The following KHDRBS2 variants were observed in gnomAD, a reference collection of about 807,000 sequenced individuals.
KHDRBS2 encodes the protein KH RNA binding domain containing, signal transduction associated 2.
In KHDRBS2, 26 loss-of-function variants were observed where a neutral mutation model predicts 44.3. The observed-to-expected ratio is 0.59, with a 90% confidence interval of 0.43 to 0.81. The LOEUF is 0.81. Ranked by LOEUF, KHDRBS2 falls within the 40% of genes least tolerant of loss-of-function variation. The pLI is 0.00. For missense variants in KHDRBS2, 476 were observed against 433.1 expected (o/e 1.10, Z -0.88); for synonymous variants, 194 against 151.1 (o/e 1.28, Z -2.08).
chr6:61,936,045 A>T (rs930043769), intron 4 of KHDRBS2, among the ~76,000 whole-genome samples: 2 of 152,062 alleles, frequency 1.3e-5, no homozygotes, highest in Admixed American at 1.3e-4. Flanking sequence ...TCATCTGTCT[A>T]TGTACTCAGA....
chr6:62,118,862 C>G (rs9445954), intron 2 of KHDRBS2, among the ~76,000 whole-genome samples: 1 of 151,970 alleles, frequency 6.6e-6, no homozygotes, highest in African/African-American at 2.4e-5. Flanking sequence ...AGACTGAAGG[C>G]TGAACTGTCA....
intron 6 of KHDRBS2, among the ~76,000 whole-genome samples, chr6:61,864,574 G>T (rs191953931): frequency 6.4e-4 from 97 of 152,236 alleles, no homozygotes; most frequent in African/African-American, 2.3e-3. Context: ...TTTTCTTCAA[G>T]AATTTTGAAT....
intron 6 of KHDRBS2, among the ~76,000 whole-genome samples, chr6:61,855,950 ACTTG>A: frequency 6.6e-6 from 1 of 152,170 alleles, no homozygotes. Context: ...TTAATAAACT[ACTTG>A]CACTCAAATC....
At chr6:61,671,466 T>A in the KHDRBS2 span, among the ~76,000 whole-genome samples, 1 of 151,712 alleles carries the variant, frequency 6.6e-6, no homozygotes, top group Non-Finnish European at 1.5e-5. Flanking sequence ...TCAATTCCTC[T>A]CATAATAAAG....
At chr6:62,268,879 T>C (rs1231314478) in intron 1 of KHDRBS2, among the ~76,000 whole-genome samples, 1 of 152,058 alleles carries the variant, frequency 6.6e-6, no homozygotes, top group Non-Finnish European at 1.5e-5. Context: ...AGAGGGTCAA[T>C]ATTGAAAAAC....
chr6:62,144,441 GT>G (rs957168076), intron 2 of KHDRBS2, among the ~76,000 whole-genome samples: 41 of 151,526 alleles, frequency 2.7e-4, no homozygotes, highest in Non-Finnish European at 4.7e-4. Flanking sequence ...CTAACCTCAT[GT>G]TTTTTTTCCT....
At chr6:61,626,020 A>G in the KHDRBS2 span, among the ~76,000 whole-genome samples, 1 of 152,322 alleles carries the variant, frequency 6.6e-6, no homozygotes, top group South Asian at 2.1e-4. Context: ...ATGTTCATCT[A>G]TATTTGCCAC....
chr6:62,085,693 A>G (rs900236262), intron 2 of KHDRBS2, among the ~76,000 whole-genome samples: 7 of 152,174 alleles, frequency 4.6e-5, no homozygotes, highest in Non-Finnish European at 8.8e-5. Flanking sequence ...GAATAATGAA[A>G]GGCAAAGGTC....
At chr6:61,913,643 A>C (rs963662593) in intron 4 of KHDRBS2, among the ~76,000 whole-genome samples, 4 of 152,094 alleles carry the variant, frequency 2.6e-5, no homozygotes, top group African/African-American at 9.7e-5. Context: ...AAAAGGAATA[A>C]GTAATCTTAG....
chr6:62,217,678 CTA>C (rs1375141470), intron 1 of KHDRBS2, among the ~76,000 whole-genome samples: 1 of 151,650 alleles, frequency 6.6e-6, no homozygotes, highest in Non-Finnish European at 1.5e-5. Context: ...CAGTCTGAGT[CTA>C]ATAAAAGTGT....
At chr6:61,554,779 C>T in the KHDRBS2 span, among the ~76,000 whole-genome samples, 1 of 152,244 alleles carries the variant, frequency 6.6e-6, no homozygotes, top group South Asian at 2.1e-4. Flanking sequence ...CTTACTTTGG[C>T]TGGATACAAA....
intron 6 of KHDRBS2, among the ~76,000 whole-genome samples, chr6:61,858,835 G>T (rs780259062): frequency 6.6e-6 from 1 of 151,764 alleles, no homozygotes; most frequent in East Asian, 1.9e-4. Context: ...CATAACAGTC[G>T]TATATTGGCC....
intron 7 of KHDRBS2, among the ~76,000 whole-genome samples, chr6:61,712,686 T>C (rs1268002130): frequency 6.6e-6 from 1 of 151,886 alleles, no homozygotes; most frequent in Non-Finnish European, 1.5e-5. Flanking sequence ...GATAAAATTA[T>C]CTACTTCATT....
chr6:61,779,787 G>A (rs1782656283), intron 6 of KHDRBS2, among the ~76,000 whole-genome samples: 1 of 152,064 alleles, frequency 6.6e-6, no homozygotes, highest in South Asian at 2.1e-4. Context: ...TATAACCCCA[G>A]GAGGTAGGGA....
At chr6:62,097,173 C>T (rs1237568596) in intron 2 of KHDRBS2, among the ~76,000 whole-genome samples, 4 of 151,480 alleles carry the variant, frequency 2.6e-5, no homozygotes, top group Non-Finnish European at 5.9e-5. Context: ...GAGACTATTT[C>T]ATGTGCTGTT....
At position 61,967,526 on chromosome 6, in the gene KHDRBS2, G is replaced by A. The variant is rs145594663; in HGVS notation, c.483+10540C>T. ...GTAGCTGAAAGGAGAGTTATAAAGGGTCAGTGGGGAAAGGAGAGGGCAAGA... is the reference window on the plus strand; with the variant it reads ...GTAGCTGAAAGGAGAGTTATAAAGGATCAGTGGGGAAAGGAGAGGGCAAGA... On this transcript the variant is annotated intron_variant, in intron 4 of 8. Coordinates refer to ENST00000281156, the MANE Select transcript of KHDRBS2 (RefSeq NM_152688.4). 9.1e-3 allele frequency among the ~76,000 whole-genome samples: 1,377 copies of A among 151,886 alleles called. 10 individuals are homozygous for A. The highest frequency in any genetic ancestry group is 0.015 in the Non-Finnish European group (1,012 of 67,866).
chr6:61,837,622 T>G lies in KHDRBS2; in HGVS notation c.810+57013A>C, dbSNP rs1379369174. On this transcript the variant is annotated intron_variant, in intron 6 of 8. Transcript: ENST00000281156. Reference sequence around the variant, plus strand: ...TGATGAATGACCACACTGGCAAAAGTAGCACCTGACTCAAACACTACAAGC... The same window carrying G: ...TGATGAATGACCACACTGGCAAAAGGAGCACCTGACTCAAACACTACAAGC... Among the ~76,000 whole-genome samples, 3 of 151,992 alleles carry G rather than the reference T, an allele frequency of 2.0e-5. No homozygotes were observed. In the East Asian group the frequency reaches 5.8e-4, roughly 29 times the overall value.
chr6:62,230,561 C>T (rs1350304446), intron 1 of KHDRBS2, among the ~76,000 whole-genome samples: 1 of 152,178 alleles, frequency 6.6e-6, no homozygotes, highest in African/African-American at 2.4e-5. Flanking sequence ...CAATTTCTGG[C>T]TTTGCTTCTT....
chr6:61,656,811 C>T, the KHDRBS2 span, among the ~76,000 whole-genome samples: 62 of 152,038 alleles, frequency 4.1e-4, no homozygotes, highest in African/African-American at 1.4e-3. Context: ...ATACCATGCA[C>T]GTGATGGCCT....
Sources: allele counts gnomAD v4.1 joint callset (sites outside exome capture counted in the v4.1 genomes callset), GRCh38; gene constraint gnomAD v4.1.1; transcripts MANE v1.5; gene names NCBI Gene and HGNC (gene_info 2026-07-23, HGNC 2026-07-21).